The following SLC2A14 variants were observed in gnomAD, a reference collection of about 807,000 sequenced individuals.
SLC2A14 encodes the protein solute carrier family 2, facilitated glucose transporter member 14.
In SLC2A14, 13 loss-of-function variants were observed where a neutral mutation model predicts 43.0. That is an observed-to-expected ratio of 0.30 (90% CI 0.20 to 0.48). The LOEUF is 0.48. SLC2A14 is among the 20% of genes least tolerant of loss of function. The pLI, the probability that SLC2A14 is intolerant of heterozygous loss-of-function variation, is 0.99. For missense variants in SLC2A14, 428 were observed against 620.4 expected (o/e 0.69, Z 3.29); for synonymous variants, 190 against 233.8 (o/e 0.81, Z 1.71).
chr12:7,890,539 T>A (rs148263335), intron 1 of SLC2A14, among the ~76,000 whole-genome samples: 64 of 152,264 alleles, frequency 4.2e-4, no homozygotes, highest in African/African-American at 1.4e-3. Context: ...TGATCAACTC[T>A]ACTAAATTGT....
chr12:7,886,912 C>CTTTT (rs11442108), intron 1 of SLC2A14, among the ~76,000 whole-genome samples: 3 of 131,866 alleles, frequency 2.3e-5, no homozygotes, highest in Non-Finnish European at 4.8e-5. Flanking sequence ...TAATGATTTT[C>CTTTT]TTTTTTTTTT....
At chr12:7,874,799 A>ATGTATATATAAATT (rs200733431), upstream of SLC2A14, among the ~76,000 whole-genome samples, 98 of 100,310 alleles carry the variant, frequency 9.8e-4, 3 homozygotes, top group South Asian at 8.8e-3. Context: ...ATATATAAAT[A>ATGTATATATAAATT]ATATATAAAT....
At chr12:7,823,109 A>G (rs1864063476) in intron 7 of SLC2A14, among the ~76,000 whole-genome samples, 1 of 152,182 alleles carries the variant, frequency 6.6e-6, no homozygotes, top group African/African-American at 2.4e-5. Flanking sequence ...CTGGCCGAGC[A>G]CAGTGGTTCA....
At chr12:7,872,993 C>T (rs1945325054), upstream of SLC2A14, 2 of 985,508 alleles carry the variant, frequency 2.0e-6, no homozygotes, top group South Asian at 4.7e-5. Context: ...CATCGGGAGC[C>T]CTCCGTAAGC....
At chr12:7,822,166 G>T (rs1455789727) in intron 7 of SLC2A14, among the ~76,000 whole-genome samples, 1 of 150,690 alleles carries the variant, frequency 6.6e-6, no homozygotes, top group Non-Finnish European at 1.5e-5. Context: ...TCGCCATGTT[G>T]GCCAGGTTGG....
chr12:7,852,885 G>A (rs1867052040), intron 2 of SLC2A14, among the ~76,000 whole-genome samples: 1 of 152,034 alleles, frequency 6.6e-6, no homozygotes, highest in African/African-American at 2.4e-5. Flanking sequence ...TATATAGGCA[G>A]GAGGAAACAG....
chr12:7,871,067 A>G (rs1945203681), intron 1 of SLC2A14: 2 of 1,399,126 alleles, frequency 1.4e-6, no homozygotes, highest in Non-Finnish European at 1.9e-6. Context: ...GAATACCTGC[A>G]GGGCATGATG....
chr12:7,847,058 G>A (rs1239081385), intron 2 of SLC2A14, among the ~76,000 whole-genome samples: 1 of 151,670 alleles, frequency 6.6e-6, no homozygotes, highest in Non-Finnish European at 1.5e-5. Flanking sequence ...TTCAAGGCCA[G>A]CCTGACCAAC....
At position 7,862,791 on chromosome 12, in the gene SLC2A14, T is replaced by C. The variant is rs543496812; in HGVS notation, c.18+7072A>G. ...AGCTCAAGGTTTGTGAGTGCACCAA[T>C]TGACACTCTTTATCTAGCTGCTCTG... is the stretch of plus-strand genomic sequence containing the variant. On this transcript the variant is annotated intron_variant, in intron 2 of 10. Transcript: ENST00000431042. Among the ~76,000 whole-genome samples the C allele has an allele frequency of 4.3e-3, 655 of 152,262 alleles. 3 individuals carry two copies. Among genetic ancestry groups the C allele is most frequent in the Non-Finnish European group, 6.5e-3 (442 of 68,022 alleles).
At chr12:7,884,205 C>T (rs1037543168) in intron 1 of SLC2A14, among the ~76,000 whole-genome samples, 7 of 152,100 alleles carry the variant, frequency 4.6e-5, no homozygotes, top group African/African-American at 1.7e-4. Flanking sequence ...CAGGCATGAG[C>T]CACCGCGCCC....
intron 10 of SLC2A14, among the ~76,000 whole-genome samples, chr12:7,816,594 T>C (rs1863476596): frequency 6.7e-6 from 1 of 150,354 alleles, no homozygotes; most frequent in Non-Finnish European, 1.5e-5. Context: ...CTGGGCACCA[T>C]GGTGCCTGCC....
intron 2 of SLC2A14, among the ~76,000 whole-genome samples, chr12:7,838,280 G>T (rs911709288): frequency 1.3e-4 from 19 of 150,104 alleles, no homozygotes; most frequent in Admixed American, 6.7e-5. Context: ...TAGAGACAGG[G>T]TTTCACCATA....
At chr12:7,863,358 G>C (rs996514702) in intron 2 of SLC2A14, 14 of 453,234 alleles carry the variant, frequency 3.1e-5, no homozygotes, top group Non-Finnish European at 5.3e-5. Flanking sequence ...TTTAAGGGCT[G>C]TAACACTCAC....
chr12:7,874,725 TAAAAAA>T (rs1565584283), upstream of SLC2A14, among the ~76,000 whole-genome samples: 30 of 129,620 alleles, frequency 2.3e-4, no homozygotes, highest in African/African-American at 6.7e-4. Context: ...TATAAATATA[TAAAAAA>T]TATATAAAAA....
chr12:7,830,388 T>C (rs1172912712), intron 4 of SLC2A14, among the ~76,000 whole-genome samples: 1 of 152,128 alleles, frequency 6.6e-6, no homozygotes, highest in Non-Finnish European at 1.5e-5. Flanking sequence ...CCTGACCTCA[T>C]GATCCACCCA....
At chr12:7,841,187 G>C (rs767106212) in intron 2 of SLC2A14, among the ~76,000 whole-genome samples, 6 of 152,130 alleles carry the variant, frequency 3.9e-5, no homozygotes, top group Non-Finnish European at 8.8e-5. Context: ...AGTACACAGA[G>C]TTCCCATGTA....
intron 4 of SLC2A14, chr12:7,831,361 A>G (rs964617344): frequency 4.1e-5 from 21 of 506,104 alleles, no homozygotes; most frequent in African/African-American, 1.9e-4. Flanking sequence ...ACTATCCCTA[A>G]CTGGACTGCA....
intron 2 of SLC2A14, chr12:7,863,419 C>T: frequency 2.2e-6 from 1 of 453,430 alleles, no homozygotes; most frequent in Non-Finnish European, 4.4e-6. Context: ...AAGAACCCAC[C>T]AATTCCAGAC....
In SLC2A14 at chr12:7,834,470, C is replaced by T. The variant is rs1312577982; in HGVS notation, c.19-1656G>A. Among the ~76,000 whole-genome samples the T allele has an allele frequency of 4.0e-5, 6 of 150,506 alleles. No individual in the cohort carries two copies. In the East Asian group the frequency reaches 8.0e-4, roughly 20 times the overall value. ...TTGGGAGGTCGAGGCAGAAGGATCA[C>T]TTGAGCCTAGCAGTTTGAGAGACCA... On this transcript the variant is annotated intron_variant, in intron 2 of 10. Transcript: ENST00000431042.
Sources: gnomAD v4.1 joint callset for allele counts (sites outside exome capture counted in the v4.1 genomes callset) on GRCh38, gnomAD v4.1.1 for gene constraint, MANE v1.5 for transcripts, NCBI Gene and HGNC (gene_info 2026-07-23, HGNC 2026-07-21) for gene names.